ROBO1: variants seen among roughly 807,000 people sequenced by gnomAD.
ROBO1 encodes roundabout homolog 1.
Under a neutral mutation model 195.9 loss-of-function variants are expected in ROBO1, and 149 were observed. The ratio of observed to expected loss-of-function variants is 0.76; its 90% CI spans 0.67 to 0.87. The LOEUF (loss-of-function observed/expected upper bound fraction) is 0.87. Ranked by LOEUF, ROBO1 falls within the 40% of genes least tolerant of loss-of-function variation. The probability of loss-of-function intolerance (pLI) is 0.00; values close to 1 mark genes in which losing one functional copy is unlikely to be tolerated. For synonymous variants in ROBO1, 816 were observed against 733.2 expected, an observed-to-expected ratio of 1.11 and a Z score of -1.82; for missense variants, 1,933 against 2,068.3, an observed-to-expected ratio of 0.93 and a Z score of 1.27.
At chr3:79,518,361 C>G (rs1460940962) in intron 2 of ROBO1, among the ~76,000 whole-genome samples, 2 of 152,056 alleles carry the variant, frequency 1.3e-5, no homozygotes. Flanking sequence ...CCAAGCTTAT[C>G]TACAACAGGA....
chr3:78,756,148 C>T (rs1204101049), intron 4 of ROBO1, among the ~76,000 whole-genome samples: 2 of 151,830 alleles, frequency 1.3e-5, no homozygotes, highest in Non-Finnish European at 2.9e-5. Flanking sequence ...ACATACATGA[C>T]CGCTAGTCAT....
At chr3:79,536,398 G>A (rs1941863831) in intron 2 of ROBO1, among the ~76,000 whole-genome samples, 2 of 150,856 alleles carry the variant, frequency 1.3e-5, no homozygotes, top group African/African-American at 4.9e-5. Flanking sequence ...GTTTCTGGAA[G>A]AGCAAATTAT....
intron 2 of ROBO1, among the ~76,000 whole-genome samples, chr3:79,410,151 T>TA (rs1269916785): frequency 2.0e-5 from 3 of 152,194 alleles, no homozygotes; most frequent in Admixed American, 6.6e-5. Context: ...CAAAGTCATT[T>TA]AACTTTTTAG....
intron 1 of ROBO1, among the ~76,000 whole-genome samples, chr3:79,739,150 T>C (rs1270259574): frequency 6.6e-6 from 1 of 152,144 alleles, no homozygotes; most frequent in Non-Finnish European, 1.5e-5. Flanking sequence ...GGCAAGAAAA[T>C]GTAAGATTTT....
chr3:79,239,119 A>G (rs1270468607), intron 2 of ROBO1, among the ~76,000 whole-genome samples: 1 of 152,170 alleles, frequency 6.6e-6, no homozygotes, highest in East Asian at 1.9e-4. Context: ...CTGAATTATG[A>G]TCAAATCTCA....
intron 2 of ROBO1, among the ~76,000 whole-genome samples, chr3:79,321,332 C>A (rs2033973410): frequency 6.6e-6 from 1 of 152,064 alleles, no homozygotes; most frequent in Non-Finnish European, 1.5e-5. Context: ...TGATTAGTAA[C>A]AATAATAGTT....
intron 2 of ROBO1, among the ~76,000 whole-genome samples, chr3:79,334,421 ATTTAC>A (rs2034583612): frequency 6.7e-6 from 1 of 148,338 alleles, no homozygotes; most frequent in African/African-American, 2.5e-5. Context: ...GCTTCTTGTT[ATTTAC>A]TTTAATCATC....
At chr3:79,365,724 C>G (rs1184407240) in intron 2 of ROBO1, among the ~76,000 whole-genome samples, 1 of 151,880 alleles carries the variant, frequency 6.6e-6, no homozygotes, top group Non-Finnish European at 1.5e-5. Context: ...GGTGAAACCC[C>G]GTCTCTACTA....
At chr3:79,141,513 C>A (rs2080525332) in intron 2 of ROBO1, among the ~76,000 whole-genome samples, 1 of 151,564 alleles carries the variant, frequency 6.6e-6, no homozygotes, top group Non-Finnish European at 1.5e-5. Flanking sequence ...CCGATTCATT[C>A]ATTTCCATTG....
intron 1 of ROBO1, among the ~76,000 whole-genome samples, chr3:79,732,747 T>C (rs559296540): frequency 3.3e-5 from 5 of 152,342 alleles, no homozygotes; most frequent in African/African-American, 1.2e-4. Context: ...TGTTTTCCTC[T>C]TGCTTTTTTC....
chr3:78,910,418 G>C (rs899898406), intron 4 of ROBO1, among the ~76,000 whole-genome samples: 3 of 151,788 alleles, frequency 2.0e-5, no homozygotes, highest in African/African-American at 7.2e-5. Flanking sequence ...GCAAATTTGT[G>C]GAAACAGGAG....
chr3:78,996,714 AAACAC>A (rs2077376234), intron 3 of ROBO1, among the ~76,000 whole-genome samples: 2 of 152,176 alleles, frequency 1.3e-5, no homozygotes, highest in South Asian at 4.1e-4. Flanking sequence ...ACACACACAC[AAACAC>A]ACACACACAC....
intron 2 of ROBO1, among the ~76,000 whole-genome samples, chr3:79,370,935 T>C (rs2109337279): frequency 6.6e-6 from 1 of 151,450 alleles, no homozygotes; most frequent in East Asian, 2.0e-4. Context: ...GAACATGTGG[T>C]GTTTGGTTTT....
chr3:79,391,194 G>A (rs2036936135), intron 2 of ROBO1, among the ~76,000 whole-genome samples: 1 of 151,756 alleles, frequency 6.6e-6, no homozygotes, highest in Non-Finnish European at 1.5e-5. Flanking sequence ...CGAGGAGGCT[G>A]AGGCAGGAGG....
chr3:79,457,145 T>C lies in ROBO1; in HGVS notation c.88+132679A>G, dbSNP rs976298631. Among the ~76,000 whole-genome samples, 4 of 152,184 alleles carry C rather than the reference T, an allele frequency of 2.6e-5. No homozygotes were observed. In the South Asian group the frequency reaches 6.2e-4, roughly 24 times the overall value. ...AGTAGGAAGCAGTTGATTTTACTGA[T>C]GACATTCAAGGCATACAATCACAGA... On this transcript the variant is annotated intron_variant, in intron 2 of 30. Coordinates refer to ENST00000464233, the MANE Select transcript of ROBO1 (RefSeq NM_002941.4).
At chr3:78,778,765 A>T (rs1432754130) in intron 4 of ROBO1, among the ~76,000 whole-genome samples, 2 of 152,180 alleles carry the variant, frequency 1.3e-5, no homozygotes, top group Non-Finnish European at 2.9e-5. Context: ...AGAAAAAACT[A>T]AATTTCATAT....
intron 1 of ROBO1, among the ~76,000 whole-genome samples, chr3:79,600,016 A>G (rs1288329222): frequency 1.3e-5 from 2 of 151,980 alleles, no homozygotes; most frequent in African/African-American, 4.8e-5. Flanking sequence ...CATGTACACC[A>G]AGACAGAAAG....
chr3:79,526,398 A>T (rs1158060562), intron 2 of ROBO1: 19 of 152,236 alleles, frequency 1.2e-4, no homozygotes, highest in Admixed American at 1.2e-3. Context: ...GGTAACAGAT[A>T]GAGCTATGTC....
chr3:79,680,779 C>T (rs1946922497), intron 1 of ROBO1, among the ~76,000 whole-genome samples: 2 of 151,842 alleles, frequency 1.3e-5, no homozygotes, highest in Non-Finnish European at 2.9e-5. Context: ...CTAGATAAAG[C>T]AGTAAGAAAT....
Sources: allele counts gnomAD v4.1 joint callset (sites outside exome capture counted in the v4.1 genomes callset), GRCh38; gene constraint gnomAD v4.1.1; transcripts MANE v1.5; gene names NCBI Gene and HGNC (gene_info 2026-07-23, HGNC 2026-07-21).